The following MGAT4C variants were observed in gnomAD, a reference collection of about 807,000 sequenced individuals.
MGAT4C encodes the protein alpha-1,3-mannosyl-glycoprotein 4-beta-N-acetylglucosaminyltransferase C.
A neutral mutation model predicts 40.1 loss-of-function variants in MGAT4C; 19 were observed. The observed-to-expected ratio is 0.47, with a 90% CI of 0.33 to 0.70. The LOEUF is 0.70. MGAT4C is among the 30% of genes least tolerant of loss of function. The probability of loss-of-function intolerance (pLI) is 0.02; values close to 1 mark genes in which losing one functional copy is unlikely to be tolerated. For synonymous variants in MGAT4C, 181 were observed against 187.1 expected, an observed-to-expected ratio of 0.97 and a Z score of 0.27; for missense variants, 491 against 563.2, an observed-to-expected ratio of 0.87 and a Z score of 1.30.
At chr12:86,083,534 A>T (rs1871231256) in intron 1 of MGAT4C, among the ~76,000 whole-genome samples, 1 of 151,986 alleles carries the variant, frequency 6.6e-6, no homozygotes, top group African/African-American at 2.4e-5. Flanking sequence ...AGTTACAATA[A>T]TCAGGAAATC....
intron 2 of MGAT4C, among the ~76,000 whole-genome samples, chr12:86,566,317 G>A (rs932424819): frequency 1.3e-5 from 2 of 151,460 alleles, no homozygotes; most frequent in Non-Finnish European, 2.9e-5. Context: ...CACAGCTAGA[G>A]TATAAAAGCA....
At chr12:86,383,549 C>CAAAAAAAAAA in intron 3 of MGAT4C, among the ~76,000 whole-genome samples, 1 of 49,864 alleles carries the variant, frequency 2.0e-5, no homozygotes, top group Non-Finnish European at 3.1e-5. Flanking sequence ...CACTTCGTCT[C>CAAAAAAAAAA]AAAAAAAAAA....
chr12:86,001,517 C>G (rs1253698836), intron 2 of MGAT4C: 1 of 510,712 alleles, frequency 2.0e-6, no homozygotes, highest in African/African-American at 2.1e-5. Flanking sequence ...GTCTTCACTT[C>G]TGGTTGATTG....
intron 2 of MGAT4C, among the ~76,000 whole-genome samples, chr12:86,450,940 C>T (rs1485280373): frequency 1.3e-5 from 2 of 151,966 alleles, no homozygotes; most frequent in Non-Finnish European, 2.9e-5. Context: ...AATCATCTTT[C>T]TTCTACATTA....
At chr12:86,582,876 T>C (rs1960851040) in intron 2 of MGAT4C, among the ~76,000 whole-genome samples, 1 of 151,198 alleles carries the variant, frequency 6.6e-6, no homozygotes, top group African/African-American at 2.4e-5. Flanking sequence ...CTCCTTCGGG[T>C]TAACCAAACA....
At chr12:86,388,770 C>G (rs1487547202) in intron 3 of MGAT4C, among the ~76,000 whole-genome samples, 2 of 147,702 alleles carry the variant, frequency 1.4e-5, no homozygotes, top group African/African-American at 5.0e-5. Context: ...CAACCTCTGA[C>G]TCCTGGGTTC....
chr12:86,562,630 C>T (rs975099728), intron 2 of MGAT4C, among the ~76,000 whole-genome samples: 1 of 152,080 alleles, frequency 6.6e-6, no homozygotes, highest in Non-Finnish European at 1.5e-5. Flanking sequence ...ATCCCCAACA[C>T]CTCTGTTTGC....
At chr12:86,615,956 T>G (rs1419021510) in intron 2 of MGAT4C, among the ~76,000 whole-genome samples, 2 of 151,938 alleles carry the variant, frequency 1.3e-5, no homozygotes, top group African/African-American at 4.8e-5. Context: ...ACCAATAGAG[T>G]ATTTAATTTA....
chr12:86,516,517 T>A (rs1030203086), intron 2 of MGAT4C, among the ~76,000 whole-genome samples: 11 of 152,100 alleles, frequency 7.2e-5, no homozygotes, highest in African/African-American at 2.2e-4. Flanking sequence ...ACTCTAAAAC[T>A]TTTTTAGAAA....
In MGAT4C at chr12:86,405,293, A is replaced by G. The variant is rs111858746; in HGVS notation, c.-120+29864T>C. 2.0e-5 allele frequency among the ~76,000 whole-genome samples: 3 copies of G among 152,036 alleles called. No individual in the cohort carries two copies. The South Asian group carries it at 6.2e-4, about 31-fold the overall frequency. On this transcript the variant is annotated intron_variant, in intron 3 of 7. Coordinates refer to the MGAT4C transcript ENST00000548651. ...ATGTTCCTAGAACTAATAAGTGAGT[A>G]CAGAACAGTCAATAAACAGCAGAAG...
intron 2 of MGAT4C, among the ~76,000 whole-genome samples, chr12:86,720,840 TAAAATGAA>T (rs1950724597): frequency 6.6e-6 from 1 of 152,154 alleles, no homozygotes; most frequent in South Asian, 2.1e-4. Flanking sequence ...AGAAGATAAT[TAAAATGAA>T]TCCTCTCACT....
intron 1 of MGAT4C, among the ~76,000 whole-genome samples, chr12:86,217,700 A>G (rs1950724088): frequency 6.6e-6 from 1 of 152,210 alleles, no homozygotes; most frequent in Non-Finnish European, 1.5e-5. Context: ...AAATAATGAG[A>G]AAACAACTCT....
rs117695493 is a variant in MGAT4C at position 86,032,892 on chromosome 12, T to C, written c.-7+16782A>G. 9.6e-3 allele frequency among the ~76,000 whole-genome samples: 1,435 copies of C among 150,110 alleles called. 129 individuals carry two copies. Among genetic ancestry groups the C allele is most frequent in the Non-Finnish European group, 0.017 (1,144 of 66,858 alleles). Reference sequence around the variant, plus strand: ...AGGTTATCTTCTATAGTTTATATCATTTTAGGTTTAACATTTAAGTCTTTA... The same window carrying C: ...AGGTTATCTTCTATAGTTTATATCACTTTAGGTTTAACATTTAAGTCTTTA... On this transcript the variant is annotated intron_variant, in intron 2 of 4. Coordinates refer to ENST00000611864, the MANE Select transcript of MGAT4C (RefSeq NM_001351288.2).
intron 1 of MGAT4C, among the ~76,000 whole-genome samples, chr12:86,773,930 T>G (rs1484658788): frequency 1.3e-5 from 2 of 149,686 alleles, no homozygotes; most frequent in Admixed American, 1.4e-4. Flanking sequence ...GGTTCACATT[T>G]TTTTAAAGTA....
intron 4 of MGAT4C, among the ~76,000 whole-genome samples, chr12:86,325,914 G>A (rs948047974): frequency 6.6e-6 from 1 of 151,674 alleles, no homozygotes; most frequent in African/African-American, 2.4e-5. Flanking sequence ...TTGACACAGG[G>A]TTCCCTATAC....
intron 2 of MGAT4C, among the ~76,000 whole-genome samples, chr12:86,497,935 AT>A (rs1958271197): frequency 7.0e-6 from 1 of 143,536 alleles, no homozygotes; most frequent in Non-Finnish European, 1.5e-5. Context: ...CACATATAAT[AT>A]TATATATAAT....
chr12:85,960,380 T>A lies in MGAT4C; in HGVS notation c.*18909A>T, dbSNP rs975727729. ...AAGACAGAATTTCAAGTCTGAATTATGACTTCACTACTGTGTCGTCATTGG... is the reference window on the plus strand; with the variant it reads ...AAGACAGAATTTCAAGTCTGAATTAAGACTTCACTACTGTGTCGTCATTGG... On this transcript the variant is annotated 3_prime_UTR_variant, in exon 5 of 5. Coordinates refer to ENST00000611864, the MANE Select transcript of MGAT4C (RefSeq NM_001351288.2). The A allele has an allele frequency of 1.3e-5, 2 of 152,078 alleles. No homozygotes were observed. Among genetic ancestry groups the A allele is most frequent in the East Asian group, 1.9e-4 (1 of 5,190 alleles). 9.4% of individuals were successfully genotyped at this position (152,078 alleles called of 1,614,324 possible). A position where few individuals can be genotyped will look rare whatever the true frequency, so the allele number is the denominator to read the frequency against.
At chr12:86,072,082 CTT>C (rs1249598757) in intron 1 of MGAT4C, among the ~76,000 whole-genome samples, 2 of 150,428 alleles carry the variant, frequency 1.3e-5, no homozygotes, top group Admixed American at 1.3e-4. Flanking sequence ...ATTGAAATCT[CTT>C]TATAAATATT....
chr12:86,370,136 G>C (rs1047675822), intron 3 of MGAT4C, among the ~76,000 whole-genome samples: 15 of 151,974 alleles, frequency 9.9e-5, no homozygotes, highest in Admixed American at 9.8e-4. Context: ...CGATTATTGA[G>C]CCTTAGTACC....
Sources: gnomAD v4.1 joint callset for allele counts (sites outside exome capture counted in the v4.1 genomes callset) on GRCh38, gnomAD v4.1.1 for gene constraint, MANE v1.5 for transcripts, NCBI Gene and HGNC (gene_info 2026-07-23, HGNC 2026-07-21) for gene names.